The following PLCG1 variants were observed in gnomAD, a reference collection of about 807,000 sequenced individuals.
PLCG1 encodes the protein phospholipase C gamma 1.
Under a neutral mutation model 177.8 loss-of-function variants are expected in PLCG1, and 71 were observed. The observed-to-expected ratio is 0.40, with a 90% CI of 0.33 to 0.49. PLCG1 has a LOEUF of 0.49. Among genes scored for constraint, PLCG1 ranks in the 20% least tolerant of loss-of-function variants. PLCG1 has a pLI of 0.72. For synonymous variants in PLCG1, 658 were observed against 647.9 expected, an observed-to-expected ratio of 1.02 and a Z score of -0.24; for missense variants, 1,281 against 1,709.0, an observed-to-expected ratio of 0.75 and a Z score of 4.42.
rs1481150237 is a variant in PLCG1, at chr20:41,176,775, G to A, written c.*2266G>A. 2 of 152,168 alleles carry A rather than the reference G, an allele frequency of 1.3e-5. No homozygotes were observed. Among genetic ancestry groups the A allele is most frequent in the African/African-American group, 4.8e-5 (2 of 41,444 alleles). The allele number at this position is 152,168 out of a possible 1,614,324, so 9.4% of individuals were successfully genotyped here. A position where few individuals can be genotyped will look rare whatever the true frequency, so the allele number is the denominator to read the frequency against. On this transcript the variant is annotated 3_prime_UTR_variant, in exon 32 of 32. Coordinates refer to ENST00000685551, the MANE Select transcript of PLCG1 (RefSeq NM_002660.3). ...TCATTTTCACTTCAAGATTCCTCCA[G>A]ACCTGACAAATGTTGATTGACCCAG...
chr20:41,163,354 C>G lies in PLCG1; in HGVS notation c.790-24C>G. On this transcript the variant is annotated intron_variant, in intron 8 of 31. Coordinates refer to ENST00000685551, the MANE Select transcript of PLCG1 (RefSeq NM_002660.3). This position sits in a 1 kb window ranked among gnomAD's most constrained non-coding sequence, Gnocchi z 5.2. ...ATCCCTGACTGGAGGCTTCTCTCAT[C>G]CCCTGCCCTCCCTACCCCATCAGGA... 6.2e-7 allele frequency: 1 copy of G among 1,603,814 alleles called. No homozygotes were observed. Among genetic ancestry groups the G allele is most frequent in the South Asian group, 1.1e-5 (1 of 90,888 alleles).
rs1345802894 is a variant in PLCG1, at chr20:41,169,473, G to A, written c.2597G>A (p.Ser866Asn). Reference protein sequence around the residue: ...EPEREHLDENSPLGDLLRGVL... With the variant: ...EPEREHLDENNPLGDLLRGVL... Reference sequence around the variant, plus strand: ...TTCCCACAGCACTTGGACGAGAACAGCCCCCTAGGGGACTTGCTGCGGGGG... The same window carrying A: ...TTCCCACAGCACTTGGACGAGAACAACCCCCTAGGGGACTTGCTGCGGGGG... The change falls in exon 23 of 32, where the codon AGC becomes AAC. Residue 866 changes from serine (S) to asparagine (N), a missense_variant. Coordinates refer to ENST00000685551, the MANE Select transcript of PLCG1 (RefSeq NM_002660.3). 1.2e-6 allele frequency: 2 copies of A among 1,613,422 alleles called. No individual in the cohort carries two copies. The highest frequency in any genetic ancestry group is 2.2e-5 in the East Asian group (1 of 44,874).
At chr20:41,169,849 G>A (rs1234720627) in intron 23 of PLCG1, among the ~76,000 whole-genome samples, 1 of 152,188 alleles carries the variant, frequency 6.6e-6, no homozygotes, top group Non-Finnish European at 1.5e-5. Flanking sequence ...GAGATGGGGT[G>A]GAGAGGGAGA....
At position 41,173,907 on chromosome 20, in the gene PLCG1, C is replaced by G. The variant is rs2035981180; in HGVS notation, c.3557-16C>G. On this transcript the variant is annotated splice_polypyrimidine_tract_variant and intron_variant, in intron 29 of 31. Transcript: ENST00000685551. The surrounding 1 kb of genome is among the most constrained non-coding windows in gnomAD (Gnocchi z 6.2). The stretch of plus-strand genomic sequence containing the variant: ...TGTCCCTCGTGGGCTGAGGGCCAGG[C>G]TTTTCCTCCTCCTAGGATACAGAGC... 6.2e-7 allele frequency: 1 copy of G among 1,612,978 alleles called. No homozygotes were observed.
intron 1 of PLCG1, among the ~76,000 whole-genome samples, chr20:41,143,993 G>A (rs926363975): frequency 5.3e-5 from 8 of 152,290 alleles, no homozygotes; most frequent in Middle Eastern, 3.4e-3. Flanking sequence ...CAACAACCTG[G>A]GCTAGGAGTC....
chr20:41,137,617 C>G lies in PLCG1; in HGVS notation c.-25C>G. The G allele has an allele frequency of 7.7e-7, 1 of 1,300,108 alleles. No homozygotes were observed. Among genetic ancestry groups the G allele is most frequent in the Non-Finnish European group, 9.8e-7 (1 of 1,018,632 alleles). The allele number at this position is 1,300,108 out of a possible 1,614,324, so 80.5% of individuals were successfully genotyped here. A position where few individuals can be genotyped will look rare whatever the true frequency, so the allele number is the denominator to read the frequency against. On this transcript the variant is annotated 5_prime_UTR_variant, in exon 1 of 32. Transcript: ENST00000685551. The surrounding 1 kb of genome is among the most constrained non-coding windows in gnomAD (Gnocchi z 7.3). The stretch of plus-strand genomic sequence containing the variant: ...GCTCCCGGGCGGTCCTGGCCTGTGC[C>G]GCCGCCGCCCCCAGCGTCGGAGCCA...
At chr20:41,155,862 G>C (rs755936389) in intron 1 of PLCG1, among the ~76,000 whole-genome samples, 1 of 152,116 alleles carries the variant, frequency 6.6e-6, no homozygotes, top group Non-Finnish European at 1.5e-5. Flanking sequence ...CCAGTTTCCT[G>C]ATGGGGAAAC....
chr20:41,171,951 C>A (rs559078564), intron 24 of PLCG1, among the ~76,000 whole-genome samples: 1 of 152,184 alleles, frequency 6.6e-6, no homozygotes, highest in Non-Finnish European at 1.5e-5. Context: ...CCCCCACCCC[C>A]CCTAAGAGGG....
rs772349819 is a variant in PLCG1 at position 41,167,952 on chromosome 20, T to C, written c.2379+23T>C. 3.8e-6 allele frequency: 6 copies of C among 1,566,814 alleles called. No homozygotes were observed. Among genetic ancestry groups the C allele is most frequent in the South Asian group, 2.2e-5 (2 of 90,074 alleles). ...AAGGTACAGCTCAGGCCTCTGGGCA[T>C]AGGAAGCTGGGGAGGGTCCCCAGCT... is the stretch of plus-strand genomic sequence containing the variant. On this transcript the variant is annotated intron_variant, in intron 20 of 31. Coordinates refer to ENST00000685551, the MANE Select transcript of PLCG1 (RefSeq NM_002660.3). The surrounding 1 kb of genome is among the most constrained non-coding windows in gnomAD (Gnocchi z 4.4).
chr20:41,169,374 G>C, intron 22 of PLCG1, 83 bp from the exon 23 acceptor site: 1 of 1,130,600 alleles, frequency 8.8e-7, no homozygotes, highest in Non-Finnish European at 1.3e-6. Flanking sequence ...CCCACAAGAT[G>C]TATTTGTCCC....
At position 41,166,260 on chromosome 20, in the gene PLCG1, C is replaced by G. The variant is rs763762390; in HGVS notation, c.1866C>G (p.Phe622Leu). ...AAGATGCTGGGACCCCCAAGTTCTT[C>G]TTGACAGACAACCTCGTCTTTGACT... ...SRQDAGTPKF[F>L]LTDNLVFDSL... Residue 622 changes from phenylalanine to leucine, a missense_variant, in exon 17 of 32, where the codon TTC (phenylalanine) becomes TTG (leucine). By Grantham distance (22) the Phe-to-Leu change is conservative (BLOSUM62 0). This residue lies in a region of PLCG1 where 723 missense variants were observed against 1,030.0 expected (regional missense o/e 0.70). Coordinates refer to ENST00000685551, the MANE Select transcript of PLCG1 (RefSeq NM_002660.3). The surrounding 1 kb of genome is among the most constrained non-coding windows in gnomAD (Gnocchi z 8.6). 16 of 1,614,098 alleles carry G rather than the reference C, an allele frequency of 9.9e-6. No individual in the cohort carries two copies.
At position 41,137,906 on chromosome 20, in the gene PLCG1, G is replaced by T; in HGVS notation, c.217+48G>T. 8.3e-7 allele frequency: 1 copy of T among 1,199,454 alleles called. No homozygotes were observed. The highest frequency in any genetic ancestry group is 4.2e-5 in the South Asian group (1 of 23,764). 74.3% of individuals were successfully genotyped at this position (1,199,454 alleles called of 1,614,324 possible). On this transcript the variant is annotated intron_variant, in intron 1 of 31. Transcript: ENST00000685551. The surrounding 1 kb of genome is among the most constrained non-coding windows in gnomAD (Gnocchi z 7.3). The stretch of plus-strand genomic sequence containing the variant: ...TGGGCCCGCCCCGCGCGGGGGTCGT[G>T]GGAGCCCGGCCCGACTGCTTGCACC...
Position 41,172,395 on chromosome 20 carries a change from G to T in PLCG1, c.2906-26G>T, listed in dbSNP as rs754381464. 4 of 1,608,082 alleles carry T rather than the reference G, an allele frequency of 2.5e-6. No homozygotes were observed. Among genetic ancestry groups the T allele is most frequent in the Non-Finnish European group, 3.4e-6 (4 of 1,174,488 alleles). On this transcript the variant is annotated intron_variant, in intron 25 of 31. Coordinates refer to ENST00000685551, the MANE Select transcript of PLCG1 (RefSeq NM_002660.3). The surrounding 1 kb of genome is among the most constrained non-coding windows in gnomAD (Gnocchi z 7.0). ...AACACTTCCTGGGTGGGCGGGCTCT[G>T]TAAGTGTTTTCCCTGTTTGGCCCAG...
At position 41,159,658 on chromosome 20, in the gene PLCG1, T is replaced by C; in HGVS notation, c.270T>C (p.Phe90=). ...EIRPGKTSRD[F]DRYQEDPAFR... ...GCCCAGGGAAGACCTCACGGGACTTTGATCGCTATCAAGAGGACCCAGCTT... is the reference window on the plus strand; with the variant it reads ...GCCCAGGGAAGACCTCACGGGACTTCGATCGCTATCAAGAGGACCCAGCTT... The change falls in exon 2 of 32, where the codon TTT becomes TTC. Residue 90 remains phenylalanine (F), a synonymous_variant. Transcript: ENST00000685551. This position sits in a 1 kb window ranked among gnomAD's most constrained non-coding sequence, Gnocchi z 6.0. 1 of 1,614,224 alleles carries C rather than the reference T, an allele frequency of 6.2e-7. No individual in the cohort carries two copies. The highest frequency in any genetic ancestry group is 2.2e-5 in the East Asian group (1 of 44,890).
chr20:41,169,285 A>G, intron 22 of PLCG1, 110 bp downstream of exon 22: 15 of 978,224 alleles, frequency 1.5e-5, no homozygotes, highest in South Asian at 1.3e-5. Context: ...CACCTGTCAC[A>G]TGGGCTGGTC....
chr20:41,155,793 C>G (rs187561538), intron 1 of PLCG1, among the ~76,000 whole-genome samples: 1 of 152,160 alleles, frequency 6.6e-6, no homozygotes, highest in African/African-American at 2.4e-5. Flanking sequence ...CCAGACTTCT[C>G]TATTACCAGC....
At position 41,144,012 on chromosome 20, in the gene PLCG1, A is replaced by C. The variant is rs188476801; in HGVS notation, c.217+6154A>C. 6.6e-6 allele frequency among the ~76,000 whole-genome samples: 1 copy of C among 152,232 alleles called. No homozygotes were observed. Among genetic ancestry groups the C allele is most frequent in the African/African-American group, 2.4e-5 (1 of 41,536 alleles). On this transcript the variant is annotated intron_variant, in intron 1 of 31. Transcript: ENST00000685551. The surrounding 1 kb of genome is among the most constrained non-coding windows in gnomAD (Gnocchi z 4.1). ...AACCTGGGCTAGGAGTCTGTTTCCTACTTGCTTTCTGTGTTCCTTCCCTGA... is the reference window on the plus strand; with the variant it reads ...AACCTGGGCTAGGAGTCTGTTTCCTCCTTGCTTTCTGTGTTCCTTCCCTGA...
Position 41,144,400 on chromosome 20 carries a change from A to G in PLCG1, c.217+6542A>G, listed in dbSNP as rs1444522287. On this transcript the variant is annotated intron_variant, in intron 1 of 31. Transcript: ENST00000685551. This position sits in a 1 kb window ranked among gnomAD's most constrained non-coding sequence, Gnocchi z 4.1. ...ATGTGTTTGACCAGCCTAGACTTCCATCTGTGGACAAGCTGGACTCATTGC... is the reference window on the plus strand; with the variant it reads ...ATGTGTTTGACCAGCCTAGACTTCCGTCTGTGGACAAGCTGGACTCATTGC... Among the ~76,000 whole-genome samples the G allele has an allele frequency of 6.6e-6, 1 of 152,166 alleles. No individual in the cohort carries two copies. The highest frequency in any genetic ancestry group is 1.9e-4 in the East Asian group (1 of 5,196).
rs749731577 is a variant in PLCG1 at position 41,166,332 on chromosome 20, T to C, written c.1938T>C (p.Cys646=). 1.2e-6 allele frequency: 2 copies of C among 1,614,166 alleles called. No individual in the cohort carries two copies. The highest frequency in any genetic ancestry group is 1.7e-6 in the Non-Finnish European group (2 of 1,180,044). The change falls in exon 17 of 32, where the codon TGT becomes TGC. Residue 646 remains cysteine, a synonymous_variant. Coordinates refer to ENST00000685551, the MANE Select transcript of PLCG1 (RefSeq NM_002660.3). This position sits in a 1 kb window ranked among gnomAD's most constrained non-coding sequence, Gnocchi z 8.6. ...ITHYQQVPLR[C]NEFEMRLSEP... Reference sequence around the variant, plus strand: ...ACTACCAGCAGGTGCCCCTGCGCTGTAATGAGTTTGAGATGCGACTTTCAG... The same window carrying C: ...ACTACCAGCAGGTGCCCCTGCGCTGCAATGAGTTTGAGATGCGACTTTCAG...
Sources: gnomAD v4.1 joint callset for allele counts (sites outside exome capture counted in the v4.1 genomes callset) on GRCh38, gnomAD v4.1.1 for gene constraint, gnomAD v4.1.1 regional missense constraint, Gnocchi (gnomAD v3.1) non-coding constraint, MANE v1.5 for transcripts, NCBI Gene and HGNC (gene_info 2026-07-23, HGNC 2026-07-21) for gene names.